Variants in MED26 observed in about 807,000 individuals in gnomAD.
MED26 encodes the protein mediator complex subunit 26.
In MED26, 7 loss-of-function variants were observed where a neutral mutation model predicts 43.7. The ratio of observed to expected loss-of-function variants is 0.16; its 90% CI spans 0.09 to 0.30. The LOEUF is 0.30. Among genes scored for constraint, MED26 ranks in the 10% least tolerant of loss-of-function variants. The pLI, the probability that MED26 is intolerant of heterozygous loss-of-function variation, is 1.00. For missense variants in MED26, 784 were observed against 840.6 expected (o/e 0.93, Z 0.83); for synonymous variants, 375 against 371.1 (o/e 1.01, Z -0.12).
At chr19:16,618,088 G>A (rs1228115611) in intron 1 of MED26, among the ~76,000 whole-genome samples, 6 of 152,128 alleles carry the variant, frequency 3.9e-5, no homozygotes, top group East Asian at 1.9e-4. Flanking sequence ...ACACAGGTAC[G>A]AGTTTCCGGT....
chr19:16,606,548 C>CA (rs1220527140), intron 1 of MED26, among the ~76,000 whole-genome samples: 4 of 150,872 alleles, frequency 2.7e-5, no homozygotes, highest in South Asian at 2.1e-4. Context: ...GACTCCGTCT[C>CA]AAAAAAAATA....
At chr19:16,607,448 C>A (rs144453334) in intron 1 of MED26, among the ~76,000 whole-genome samples, 2 of 151,002 alleles carry the variant, frequency 1.3e-5, no homozygotes, top group African/African-American at 2.4e-5. Flanking sequence ...ACTCAGGGAG[C>A]AGACAGAGGG....
chr19:16,575,795 C>A lies in MED26; in HGVS notation c.*232G>T. The A allele has an allele frequency of 3.6e-6, 2 of 554,936 alleles. No individual in the cohort carries two copies. The highest frequency in any genetic ancestry group is 6.5e-6 in the Non-Finnish European group (2 of 308,994). 34.4% of individuals were successfully genotyped at this position (554,936 alleles called of 1,614,324 possible). On this transcript the variant is annotated 3_prime_UTR_variant, in exon 3 of 3. Transcript: ENST00000263390. ...ACTCACTTTGCCGTCCTTCCTTCCA[C>A]GCGGTCCTTCTTCGCAATTTTGTTA...
chr19:16,621,993 TC>T (rs2122459310), intron 1 of MED26, among the ~76,000 whole-genome samples: 1 of 152,122 alleles, frequency 6.6e-6, no homozygotes, highest in Non-Finnish European at 1.5e-5. Context: ...CTGTGCCCCA[TC>T]CCACAGCAGA....
intron 1 of MED26, among the ~76,000 whole-genome samples, chr19:16,623,301 A>C (rs1366264219): frequency 6.6e-6 from 1 of 152,208 alleles, no homozygotes; most frequent in Non-Finnish European, 1.5e-5. Flanking sequence ...TAAAGACAGG[A>C]GAGTCCCTGA....
At chr19:16,620,555 AACAC>A (rs1279526753) in intron 1 of MED26, among the ~76,000 whole-genome samples, 2 of 152,236 alleles carry the variant, frequency 1.3e-5, no homozygotes, top group Admixed American at 6.5e-5. Flanking sequence ...CTAAGGGAGC[AACAC>A]CTGCTCTCCT....
chr19:16,616,466 A>G (rs1272628260), intron 1 of MED26, among the ~76,000 whole-genome samples: 3 of 152,198 alleles, frequency 2.0e-5, no homozygotes, highest in Non-Finnish European at 4.4e-5. Context: ...TTTCAGACAC[A>G]CAGAGGCAGG....
At chr19:16,603,605 C>T (rs907521900) in intron 1 of MED26, among the ~76,000 whole-genome samples, 5 of 152,140 alleles carry the variant, frequency 3.3e-5, no homozygotes, top group African/African-American at 9.7e-5. Context: ...GCCCCTGAGC[C>T]GCAGTCTCCC....
In MED26 at chr19:16,585,139, T is replaced by C. The variant is rs527530218; in HGVS notation, c.73-6730A>G. Reference sequence around the variant, plus strand: ...TCACCAAGCTCCCCTACTCTGGTACTGGGCTGCTGCTTAACAGACCTGGTG... The same window carrying C: ...TCACCAAGCTCCCCTACTCTGGTACCGGGCTGCTGCTTAACAGACCTGGTG... On this transcript the variant is annotated intron_variant, in intron 1 of 2. Coordinates refer to ENST00000263390, the MANE Select transcript of MED26 (RefSeq NM_004831.5). Among the ~76,000 whole-genome samples the C allele has an allele frequency of 1.5e-3, 227 of 152,308 alleles. 1 individual carries two copies. Among genetic ancestry groups the C allele is most frequent in the African/African-American group, 5.2e-3 (215 of 41,570 alleles).
intron 1 of MED26, among the ~76,000 whole-genome samples, chr19:16,598,821 C>T (rs1251580094): frequency 2.6e-5 from 4 of 152,154 alleles, no homozygotes; most frequent in African/African-American, 9.7e-5. Flanking sequence ...AGAAAATGTG[C>T]TATGATGACA....
chr19:16,614,452 C>T (rs757653091), intron 1 of MED26, among the ~76,000 whole-genome samples: 5 of 150,712 alleles, frequency 3.3e-5, no homozygotes, highest in Non-Finnish European at 4.4e-5. Flanking sequence ...TCACTTGAGC[C>T]GGGGACGTAG....
rs532445652 is a variant in MED26, at chr19:16,626,583, A to G, written c.72+1289T>C. ...AAAAACTCATAACCCTTCAGTCTTA[A>G]CCAAAAATTGTATAAGCCAATGTGA... On this transcript the variant is annotated intron_variant, in intron 1 of 2. Coordinates refer to ENST00000263390, the MANE Select transcript of MED26 (RefSeq NM_004831.5). Among the ~76,000 whole-genome samples, 162 of 152,350 alleles carry G rather than the reference A, an allele frequency of 1.1e-3. 1 individual carries two copies. The highest frequency in any genetic ancestry group is 3.5e-3 in the African/African-American group (147 of 41,582).
intron 1 of MED26, among the ~76,000 whole-genome samples, chr19:16,627,091 C>T (rs1645850819): frequency 6.6e-6 from 1 of 152,084 alleles, no homozygotes; most frequent in Non-Finnish European, 1.5e-5. Context: ...AGGGAAAGAG[C>T]CTACTGAAAC....
intron 1 of MED26, among the ~76,000 whole-genome samples, chr19:16,623,397 C>G (rs558312814): frequency 6.6e-6 from 1 of 152,162 alleles, no homozygotes; most frequent in Non-Finnish European, 1.5e-5. Context: ...ATCAAGAGTC[C>G]TTCATTTTGC....
Position 16,577,570 on chromosome 19 carries a change from G to C in MED26, c.260C>G (p.Ala87Gly), listed in dbSNP as rs1599329145. The change falls in exon 3 of 3, where the codon GCA (alanine) becomes GGA (glycine). Residue 87 changes from alanine (A) to glycine (G), a missense_variant. Coordinates refer to ENST00000263390, the MANE Select transcript of MED26 (RefSeq NM_004831.5). The surrounding 1 kb of genome is among the most constrained non-coding windows in gnomAD (Gnocchi z 8.1). ...CCGCAGCGCCGCCTCATGCTGGTGT[G>C]CCGGCTCGATGAGCTTCTGCCAGCT... ...LRSWQKLIEP[A>G]HQHEAALRGL... 1 of 1,609,748 alleles carries C rather than the reference G, an allele frequency of 6.2e-7. No individual in the cohort carries two copies. The highest frequency in any genetic ancestry group is 1.3e-5 in the African/African-American group (1 of 74,976).
intron 1 of MED26, among the ~76,000 whole-genome samples, chr19:16,600,567 G>A (rs2086143846): frequency 6.6e-6 from 1 of 152,074 alleles, no homozygotes; most frequent in South Asian, 2.1e-4. Flanking sequence ...GCCCCTATCA[G>A]CTCCCTGGGT....
Position 16,575,497 on chromosome 19 carries a change from G to C in MED26, c.*530C>G, listed in dbSNP as rs2085988812. Reference sequence around the variant, plus strand: ...GCTGAGAAGCTTCTGGCACATGACAGACAACACTGGCCTGACAGTGGCTGG... The same window carrying C: ...GCTGAGAAGCTTCTGGCACATGACACACAACACTGGCCTGACAGTGGCTGG... On this transcript the variant is annotated 3_prime_UTR_variant, in exon 3 of 3. Coordinates refer to ENST00000263390, the MANE Select transcript of MED26 (RefSeq NM_004831.5). The C allele has an allele frequency of 6.4e-6, 1 of 155,340 alleles. No homozygotes were observed. Among genetic ancestry groups the C allele is most frequent in the African/African-American group, 2.4e-5 (1 of 41,490 alleles). The allele number at this position is 155,340 out of a possible 1,614,324, so 9.6% of individuals were successfully genotyped here.
At chr19:16,599,448 GT>G (rs2086138340) in intron 1 of MED26, among the ~76,000 whole-genome samples, 1 of 152,130 alleles carries the variant, frequency 6.6e-6, no homozygotes, top group African/African-American at 2.4e-5. Context: ...GATGTGTGGT[GT>G]CTCCAGACCT....
At chr19:16,612,120 G>A (rs1285834358) in intron 1 of MED26, 1 of 152,220 alleles carries the variant, frequency 6.6e-6, no homozygotes, top group Non-Finnish European at 1.5e-5. Flanking sequence ...TAGGCCGGGA[G>A]AGATAAAACA....
Sources: gnomAD v4.1 joint callset for allele counts (sites outside exome capture counted in the v4.1 genomes callset) on GRCh38, gnomAD v4.1.1 for gene constraint, Gnocchi (gnomAD v3.1) non-coding constraint, MANE v1.5 for transcripts, NCBI Gene and HGNC (gene_info 2026-07-23, HGNC 2026-07-21) for gene names.